Variants in ECE1 observed in about 807,000 individuals in gnomAD.
The protein encoded by ECE1 is endothelin converting enzyme 1, also known as endothelin-converting enzyme 1.
ECE1 carries 35 observed loss-of-function variants against 98.6 expected under a neutral mutation model. The ratio of observed to expected loss-of-function variants is 0.35; its 90% confidence interval spans 0.27 to 0.47. ECE1 has a LOEUF of 0.47. Among genes scored for constraint, ECE1 ranks in the 20% least tolerant of loss-of-function variants. The pLI, the probability that ECE1 is intolerant of heterozygous loss-of-function variation, is 1.00. For synonymous variants in ECE1, 394 were observed against 407.1 expected, an observed-to-expected ratio of 0.97 and a Z score of 0.39; for missense variants, 814 against 1,025.3, an observed-to-expected ratio of 0.79 and a Z score of 2.81.
chr1:21,323,805 G>T (rs1231989037), intron 1 of ECE1, among the ~76,000 whole-genome samples: 1 of 148,850 alleles, frequency 6.7e-6, no homozygotes, highest in African/African-American at 2.5e-5. Context: ...TGGGAGATGG[G>T]GGCAATTTTC....
chr1:21,237,741 G>A (rs1161220110), intron 11 of ECE1, among the ~76,000 whole-genome samples: 4 of 152,164 alleles, frequency 2.6e-5, no homozygotes, highest in Non-Finnish European at 5.9e-5. Context: ...TCTCCAAGGC[G>A]CTCTGCCATG....
intron 1 of ECE1, among the ~76,000 whole-genome samples, chr1:21,295,688 AT>A (rs1193855506): frequency 6.6e-6 from 1 of 152,038 alleles, no homozygotes; most frequent in Non-Finnish European, 1.5e-5. Context: ...CCTTGTCCAC[AT>A]TTTCCACTCT....
At chr1:21,273,061 G>A (rs2098242229) in intron 3 of ECE1, 150 bp from the exon 4 acceptor site, 2 of 807,006 alleles carry the variant, frequency 2.5e-6, no homozygotes, top group Non-Finnish European at 4.1e-6. Flanking sequence ...GACCCCTACA[G>A]AGAAATGATT....
At chr1:21,254,472 TCCTC>T (rs1031952846) in intron 8 of ECE1, among the ~76,000 whole-genome samples, 4 of 152,008 alleles carry the variant, frequency 2.6e-5, no homozygotes, top group Admixed American at 2.6e-4. Flanking sequence ...AAGCCTTTCT[TCCTC>T]TGCTTGGAAG....
At chr1:21,293,021 G>A (rs1052223063), upstream of ECE1, among the ~76,000 whole-genome samples, 4 of 152,218 alleles carry the variant, frequency 2.6e-5, no homozygotes, top group Non-Finnish European at 5.9e-5. Context: ...TTTTGAAAAA[G>A]AAGTTCAGTT....
intron 1 of ECE1, among the ~76,000 whole-genome samples, chr1:21,313,085 C>G (rs1414748145): frequency 2.0e-5 from 3 of 152,142 alleles, no homozygotes. Context: ...CTCTAAACTA[C>G]TTATTGTTTC....
chr1:21,274,829 T>C (rs1169394813), intron 3 of ECE1, among the ~76,000 whole-genome samples: 1 of 152,086 alleles, frequency 6.6e-6, no homozygotes, highest in Non-Finnish European at 1.5e-5. Flanking sequence ...CCGAGAGGTG[T>C]GCCATAAAAA....
At chr1:21,304,871 C>G (rs1380930208) in intron 1 of ECE1, among the ~76,000 whole-genome samples, 3 of 152,064 alleles carry the variant, frequency 2.0e-5, no homozygotes, top group Non-Finnish European at 4.4e-5. Flanking sequence ...TCAAGGAAAA[C>G]AGAAACTGAT....
intron 1 of ECE1, among the ~76,000 whole-genome samples, chr1:21,328,764 GAAAAAAAAAAAAAA>G (rs35883969): frequency 2.0e-5 from 1 of 50,226 alleles, no homozygotes; most frequent in Non-Finnish European, 3.9e-5. Context: ...CCTCCATCTC[GAAAAAAAAAAAAAA>G]AAAAAAAAGA....
chr1:21,328,760 T>A (rs72657109), intron 1 of ECE1, among the ~76,000 whole-genome samples: 8,216 of 112,012 alleles, frequency 0.073, 259 homozygotes, highest in Middle Eastern at 0.13. Context: ...CGAACCTCCA[T>A]CTCGAAAAAA....
intron 8 of ECE1, among the ~76,000 whole-genome samples, chr1:21,248,493 A>G (rs560659180): frequency 9.9e-5 from 15 of 151,716 alleles, no homozygotes; most frequent in African/African-American, 3.6e-4. Context: ...CTATTTTAAG[A>G]TGACTGAAAA....
rs1354523802 is a variant in ECE1 at position 21,220,555 on chromosome 1, G to C, written c.2137-424C>G. On this transcript the variant is annotated intron_variant, in intron 18 of 18. Coordinates refer to ENST00000374893, the MANE Select transcript of ECE1 (RefSeq NM_001397.3). This position sits in a 1 kb window ranked among gnomAD's most constrained non-coding sequence, Gnocchi z 5.0. ...CATACCTGTAATCCCAGCACTTTAA[G>C]AGGCCAAGGTGGCGGTGGATCACTT... Among the ~76,000 whole-genome samples, 1 of 152,146 alleles carries C rather than the reference G, an allele frequency of 6.6e-6. No individual in the cohort carries two copies. Among genetic ancestry groups the C allele is most frequent in the Non-Finnish European group, 1.5e-5 (1 of 68,030 alleles).
At chr1:21,223,842 C>A (rs186821987) in intron 17 of ECE1, among the ~76,000 whole-genome samples, 28 of 152,296 alleles carry the variant, frequency 1.8e-4, no homozygotes, top group African/African-American at 6.5e-4. Context: ...AAATGATCCG[C>A]CCACCTCGGC....
intron 1 of ECE1, among the ~76,000 whole-genome samples, chr1:21,300,580 A>G (rs1033927746): frequency 1.3e-5 from 2 of 152,016 alleles, no homozygotes; most frequent in Non-Finnish European, 2.9e-5. Context: ...GACCACAGAC[A>G]TGTTCCACCA....
chr1:21,225,158 C>G lies in ECE1; in HGVS notation c.2040+92G>C. On this transcript the variant is annotated intron_variant, in intron 17 of 18. Coordinates refer to ENST00000374893, the MANE Select transcript of ECE1 (RefSeq NM_001397.3). This position sits in a 1 kb window ranked among gnomAD's most constrained non-coding sequence, Gnocchi z 5.3. Reference sequence around the variant, plus strand: ...ACGGAAGCTCGCACGGCTGCTGCGCCTGCCCTGGTTGTCCGTGATGATCCT... The same window carrying G: ...ACGGAAGCTCGCACGGCTGCTGCGCGTGCCCTGGTTGTCCGTGATGATCCT... 1 of 1,528,366 alleles carries G rather than the reference C, an allele frequency of 6.5e-7. No individual in the cohort carries two copies. Among genetic ancestry groups the G allele is most frequent in the Admixed American group, 1.7e-5 (1 of 57,568 alleles). 94.7% of individuals were successfully genotyped at this position (1,528,366 alleles called of 1,614,324 possible).
At chr1:21,263,755 G>T (rs533399269) in intron 4 of ECE1, among the ~76,000 whole-genome samples, 68 of 152,222 alleles carry the variant, frequency 4.5e-4, no homozygotes, top group African/African-American at 1.6e-3. Context: ...CCCTCTGTGT[G>T]TGTCATCAGT....
chr1:21,278,226 T>A (rs933982079), intron 3 of ECE1, among the ~76,000 whole-genome samples: 2 of 152,218 alleles, frequency 1.3e-5, no homozygotes, highest in Admixed American at 1.3e-4. Flanking sequence ...TAATTCCCCA[T>A]TCTTATTTCT....
At chr1:21,339,886 G>A (rs1170688685) in intron 1 of ECE1, among the ~76,000 whole-genome samples, 1 of 152,130 alleles carries the variant, frequency 6.6e-6, no homozygotes, top group African/African-American at 2.4e-5. Flanking sequence ...CTGCCCTCAG[G>A]GGCCCAAGGA....
intron 4 of ECE1, among the ~76,000 whole-genome samples, chr1:21,265,384 T>C (rs754997540): frequency 6.6e-6 from 1 of 152,038 alleles, no homozygotes; most frequent in East Asian, 1.9e-4. Context: ...ATACAAAAGT[T>C]ATCCGGGTGT....
Sources: gnomAD v4.1 joint callset for allele counts (sites outside exome capture counted in the v4.1 genomes callset) on GRCh38, gnomAD v4.1.1 for gene constraint, Gnocchi (gnomAD v3.1) non-coding constraint, MANE v1.5 for transcripts, NCBI Gene and HGNC (gene_info 2026-07-23, HGNC 2026-07-21) for gene names.